ADK: variants seen among roughly 807,000 people sequenced by gnomAD.
ADK encodes the protein N6,N6-dimethyladenosine kinase.
A neutral mutation model predicts 44.7 loss-of-function variants in ADK; 24 were observed. The observed-to-expected ratio is 0.54, with a 90% CI of 0.39 to 0.76. The LOEUF is 0.76. Among genes scored for constraint, ADK ranks in the 30% least tolerant of loss-of-function variants. The pLI is 0.00. For missense variants in ADK, 321 were observed against 425.1 expected (o/e 0.76, Z 2.15); for synonymous variants, 128 against 142.6 (o/e 0.90, Z 0.73).
chr10:74,619,271 A>G (rs1852891504), intron 9 of ADK, among the ~76,000 whole-genome samples: 1 of 152,072 alleles, frequency 6.6e-6, no homozygotes, highest in Non-Finnish European at 1.5e-5. Flanking sequence ...CCTGGCCAAC[A>G]TGGTGAAACC....
chr10:74,660,204 C>T (rs1263675345), intron 9 of ADK, among the ~76,000 whole-genome samples: 1 of 152,198 alleles, frequency 6.6e-6, no homozygotes, highest in Non-Finnish European at 1.5e-5. Flanking sequence ...TCTCGGCTCA[C>T]TGCAATTTCC....
At chr10:74,218,240 G>A (rs1479441163) in intron 2 of ADK, among the ~76,000 whole-genome samples, 4 of 152,158 alleles carry the variant, frequency 2.6e-5, no homozygotes, top group Non-Finnish European at 2.9e-5. Flanking sequence ...CTCAGGAGCC[G>A]ATGTGATCAA....
chr10:74,497,263 C>A (rs543605560), intron 6 of ADK, among the ~76,000 whole-genome samples: 2 of 152,300 alleles, frequency 1.3e-5, no homozygotes, highest in Non-Finnish European at 1.5e-5. Flanking sequence ...GGATGTGGTA[C>A]TTTTCCTTTT....
At chr10:74,269,891 G>C (rs912596754) in intron 3 of ADK, among the ~76,000 whole-genome samples, 10 of 152,070 alleles carry the variant, frequency 6.6e-5, no homozygotes, top group African/African-American at 1.4e-4. Context: ...CCAGCTACTC[G>C]GGAGGCTGAG....
chr10:74,346,474 A>G (rs971301322), intron 4 of ADK, among the ~76,000 whole-genome samples: 1 of 151,456 alleles, frequency 6.6e-6, no homozygotes, highest in Non-Finnish European at 1.5e-5. Flanking sequence ...TTTGAGTTAC[A>G]TTTCTTATAT....
At chr10:74,563,251 A>G (rs1850527150) in intron 7 of ADK, among the ~76,000 whole-genome samples, 1 of 152,116 alleles carries the variant, frequency 6.6e-6, no homozygotes, top group African/African-American at 2.4e-5. Flanking sequence ...AAGACAGTTG[A>G]GCTCTTTCAC....
intron 4 of ADK, among the ~76,000 whole-genome samples, chr10:74,322,238 T>A (rs950434402): frequency 4.6e-5 from 7 of 152,186 alleles, no homozygotes; most frequent in African/African-American, 1.7e-4. Flanking sequence ...AATGAAGTGA[T>A]CAAAGAGAAT....
chr10:74,590,272 TA>T (rs1851670863), intron 8 of ADK, among the ~76,000 whole-genome samples: 1 of 152,216 alleles, frequency 6.6e-6, no homozygotes, highest in Non-Finnish European at 1.5e-5. Context: ...ACTTTCTTTT[TA>T]TTTGCATATT....
intron 3 of ADK, among the ~76,000 whole-genome samples, chr10:74,297,335 G>A (rs558307104): frequency 6.6e-6 from 1 of 152,298 alleles, no homozygotes; most frequent in East Asian, 1.9e-4. Context: ...ATAGAAAATG[G>A]AAGATATGGA....
Position 74,296,399 on chromosome 10 carries a change from A to G in ADK, c.195-18268A>G, listed in dbSNP as rs1839818013. Among the ~76,000 whole-genome samples, 3 of 152,092 alleles carry G rather than the reference A, an allele frequency of 2.0e-5. No individual in the cohort carries two copies. The South Asian group carries it at 6.2e-4, about 32-fold the overall frequency. ...AGAAAAGTTAATATTAATGGCAGTA[A>G]AACATATGAAAGGATGTTCATCGTC... On this transcript the variant is annotated intron_variant, in intron 3 of 10. Coordinates refer to ENST00000539909, the MANE Select transcript of ADK (RefSeq NM_006721.4).
intron 6 of ADK, among the ~76,000 whole-genome samples, chr10:74,451,521 G>A (rs543715495): frequency 1.6e-4 from 25 of 152,086 alleles, no homozygotes; most frequent in Non-Finnish European, 2.4e-4. Flanking sequence ...TCTTTGAAAT[G>A]TGACTAAAAA....
intron 3 of ADK, among the ~76,000 whole-genome samples, chr10:74,262,135 A>G (rs1393083135): frequency 2.0e-5 from 3 of 152,046 alleles, no homozygotes; most frequent in Admixed American, 2.0e-4. Flanking sequence ...CCTGGCCAAC[A>G]TGGCGAAACC....
chr10:74,673,801 G>T (rs1009017435), intron 10 of ADK, among the ~76,000 whole-genome samples: 5 of 152,158 alleles, frequency 3.3e-5, no homozygotes, highest in African/African-American at 1.2e-4. Flanking sequence ...TATTGCCGAT[G>T]AAAGTGGCTC....
At chr10:74,170,400 T>C (rs961623724) in intron 1 of ADK, among the ~76,000 whole-genome samples, 3 of 152,146 alleles carry the variant, frequency 2.0e-5, no homozygotes, top group Non-Finnish European at 4.4e-5. Flanking sequence ...GTTTTGACGG[T>C]TGTGAATTTC....
intron 4 of ADK, among the ~76,000 whole-genome samples, chr10:74,316,137 G>C (rs1018007174): frequency 2.0e-5 from 3 of 152,002 alleles, no homozygotes; most frequent in African/African-American, 7.3e-5. Flanking sequence ...CTACTTGGGA[G>C]GCTGAGGCCA....
intron 4 of ADK, among the ~76,000 whole-genome samples, chr10:74,325,070 T>A (rs1840960352): frequency 6.6e-6 from 1 of 152,204 alleles, no homozygotes; most frequent in African/African-American, 2.4e-5. Flanking sequence ...TTTGAATCTG[T>A]AGATCACTTT....
intron 3 of ADK, 37 bp from the exon 4 acceptor site, chr10:74,314,630 A>G: frequency 2.1e-6 from 3 of 1,427,392 alleles, no homozygotes; most frequent in Non-Finnish European, 3.0e-6. Context: ...AACTCACAGA[A>G]GGTAACTTAC....
intron 1 of ADK, among the ~76,000 whole-genome samples, chr10:74,178,778 A>C (rs1048603942): frequency 6.6e-6 from 1 of 152,196 alleles, no homozygotes; most frequent in African/African-American, 2.4e-5. Flanking sequence ...ATTTTACATA[A>C]TCTTGAACTA....
chr10:74,267,094 A>T (rs909650756), intron 3 of ADK, among the ~76,000 whole-genome samples: 7 of 152,360 alleles, frequency 4.6e-5, no homozygotes, highest in African/African-American at 1.7e-4. Context: ...AGATATTGTT[A>T]GTAATCTAGA....
Sources: gnomAD v4.1 joint callset for allele counts (sites outside exome capture counted in the v4.1 genomes callset) on GRCh38, gnomAD v4.1.1 for gene constraint, MANE v1.5 for transcripts, NCBI Gene and HGNC (gene_info 2026-07-23, HGNC 2026-07-21) for gene names.